SEC62: variants seen among roughly 807,000 people sequenced by gnomAD.
The protein encoded by SEC62 is translocation protein SEC62.
SEC62 carries 10 observed loss-of-function variants against 47.5 expected under a neutral mutation model. The observed-to-expected ratio is 0.21, with a 90% confidence interval of 0.13 to 0.36. The LOEUF (loss-of-function observed/expected upper bound fraction) is 0.36. Among genes scored for constraint, SEC62 ranks in the 10% least tolerant of loss-of-function variants. The pLI is 1.00. For missense variants in SEC62, 327 were observed against 464.1 expected, an observed-to-expected ratio of 0.70 and a Z score of 2.71; for synonymous variants, 136 against 150.5, an observed-to-expected ratio of 0.90 and a Z score of 0.71.
chr3:169,994,905 C>T lies in SEC62; in HGVS notation c.*1842C>T, dbSNP rs2033356221. On this transcript the variant is annotated 3_prime_UTR_variant, in exon 8 of 8. Coordinates refer to ENST00000337002, the MANE Select transcript of SEC62 (RefSeq NM_003262.4). ...GCATGGCCAACAGGAAGGTCAGCTT[C>T]TTACTGATGTGTGTGGATTCTTACA... The T allele has an allele frequency of 6.6e-6, 1 of 152,128 alleles. No individual in the cohort carries two copies. Among genetic ancestry groups the T allele is most frequent in the African/African-American group, 2.4e-5 (1 of 41,424 alleles). The allele number at this position is 152,128 out of a possible 1,614,324, so 9.4% of individuals were successfully genotyped here.
chr3:169,983,123 C>A lies in SEC62; in HGVS notation c.457-38C>A, dbSNP rs764849879. 9 of 1,526,694 alleles carry A rather than the reference C, an allele frequency of 5.9e-6. No individual in the cohort carries two copies. In the East Asian group the frequency reaches 2.0e-4, roughly 35 times the overall value. The allele number at this position is 1,526,694 out of a possible 1,614,324, so 94.6% of individuals were successfully genotyped here. ...GTATGAACATCATATTTCTTGCTTACTTGTGTTATTTCTTCTGTCCAACTT... is the reference window on the plus strand; with the variant it reads ...GTATGAACATCATATTTCTTGCTTAATTGTGTTATTTCTTCTGTCCAACTT... On this transcript the variant is annotated intron_variant, in intron 4 of 7. Transcript: ENST00000337002.
chr3:169,985,778 A>T, intron 5 of SEC62, 27 bp from the exon 6 acceptor site: 1 of 1,590,540 alleles, frequency 6.3e-7, no homozygotes, highest in Non-Finnish European at 8.6e-7. Context: ...AGAACTTTTA[A>T]GCACCGAGGT....
At position 169,997,861 on chromosome 3, in the gene SEC62, T is replaced by G. The variant is rs189343597; in HGVS notation, c.*4798T>G. On this transcript the variant is annotated 3_prime_UTR_variant, in exon 8 of 8. Transcript: ENST00000337002. ...GTAAGCTACCAAATAATTTATGATG[T>G]GGTAGTTATAGGTGTGCATTTAATA... 1 of 152,224 alleles carries G rather than the reference T, an allele frequency of 6.6e-6. No homozygotes were observed. The highest frequency in any genetic ancestry group is 1.5e-5 in the Non-Finnish European group (1 of 68,012). 9.4% of individuals were successfully genotyped at this position (152,224 alleles called of 1,614,324 possible).
chr3:169,989,853 T>G (rs1715196991), intron 7 of SEC62, among the ~76,000 whole-genome samples: 1 of 151,410 alleles, frequency 6.6e-6, no homozygotes, highest in Non-Finnish European at 1.5e-5. Context: ...ATTTTGATTC[T>G]CTTAGAAAAT....
In SEC62 at chr3:169,988,271, C is replaced by G. The variant is rs752638611; in HGVS notation, c.642C>G (p.Pro214=). The change falls in exon 7 of 8, where the codon CCC becomes CCG. Residue 214 remains proline, a synonymous_variant. Transcript: ENST00000337002. Reference sequence around the variant, plus strand: ...CAGTAATAGCGGCCACCCTCTTCCCCCTTTGGCCAGCAGAAATGAGAGTAG... The same window carrying G: ...CAGTAATAGCGGCCACCCTCTTCCCGCTTTGGCCAGCAGAAATGAGAGTAG... ...VIAVIAATLF[P]LWPAEMRVGV... The G allele has an allele frequency of 6.2e-7, 1 of 1,613,768 alleles. No homozygotes were observed. Among genetic ancestry groups the G allele is most frequent in the African/African-American group, 1.3e-5 (1 of 74,902 alleles).
Position 169,975,698 on chromosome 3 carries a change from C to G in SEC62, c.127C>G (p.Arg43Gly), listed in dbSNP as rs758054837. ...AAAGTCCACCAATATGATGGGTCAC[C>G]GGGTTGATTATTTTATTGGTAGGAT... ...PTKSTNMMGH[R>G]VDYFIASKAV... Residue 43 changes from arginine (R) to glycine (G), a missense_variant, in exon 2 of 8, where the codon CGG (arginine) becomes GGG (glycine). Transcript: ENST00000337002. 2 of 1,608,402 alleles carry G rather than the reference C, an allele frequency of 1.2e-6. No homozygotes were observed. The highest frequency in any genetic ancestry group is 1.7e-6 in the Non-Finnish European group (2 of 1,175,102).
At chr3:169,990,003 A>C (rs937876492) in intron 7 of SEC62, among the ~76,000 whole-genome samples, 2 of 90,628 alleles carry the variant, frequency 2.2e-5, no homozygotes, top group African/African-American at 9.1e-5. Context: ...GATATATGAT[A>C]TATCATAATA....
At chr3:169,971,239 AT>A (rs1051411712) in intron 1 of SEC62, among the ~76,000 whole-genome samples, 1 of 151,546 alleles carries the variant, frequency 6.6e-6, no homozygotes, top group Admixed American at 6.6e-5. Flanking sequence ...CACCTAGCTA[AT>A]TTTTTTTAAT....
Position 169,983,220 on chromosome 3 carries a change from A to G in SEC62, c.516A>G (p.Pro172=). The change falls in exon 5 of 8, where the codon CCA becomes CCG. Residue 172 remains proline (P), a synonymous_variant. Coordinates refer to ENST00000337002, the MANE Select transcript of SEC62 (RefSeq NM_003262.4). The part of the protein sequence containing the change: ...KETKKKFKLE[P]HDDQVFLDGN... ...CTAAGAAAAAATTCAAACTTGAGCC[A>G]CATGATGATCAGGTTTTTCTGGATG... 6.2e-7 allele frequency: 1 copy of G among 1,612,846 alleles called. No individual in the cohort carries two copies.
chr3:169,967,061 G>A (rs1242023288), intron 1 of SEC62, among the ~76,000 whole-genome samples: 3 of 152,218 alleles, frequency 2.0e-5, no homozygotes, highest in Non-Finnish European at 2.9e-5. Context: ...AGACAGAGAC[G>A]GAGGTGGTGG....
intron 1 of SEC62, among the ~76,000 whole-genome samples, chr3:169,973,966 A>G (rs1714768151): frequency 6.6e-6 from 1 of 152,244 alleles, no homozygotes; most frequent in Non-Finnish European, 1.5e-5. Context: ...TTCATCTAAC[A>G]AATTATTCCT....
chr3:169,977,692 CTTTCCA>C (rs918434593), intron 3 of SEC62, among the ~76,000 whole-genome samples: 1 of 151,998 alleles, frequency 6.6e-6, no homozygotes, highest in African/African-American at 2.4e-5. Context: ...GCTGGTTTTT[CTTTCCA>C]TTTCTTTTCT....
intron 3 of SEC62, among the ~76,000 whole-genome samples, chr3:169,979,434 T>G (rs1714919797): frequency 6.6e-6 from 1 of 152,258 alleles, no homozygotes. Flanking sequence ...TTTTCTAATG[T>G]GATCTATACC....
intron 6 of SEC62, among the ~76,000 whole-genome samples, chr3:169,987,581 G>A (rs147916207): frequency 0.01 from 1,571 of 152,242 alleles, 31 homozygotes; most frequent in African/African-American, 0.036. Context: ...TAAGTAACTT[G>A]CCCAGGGTTA....
At chr3:169,988,820 C>T (rs577683419) in intron 7 of SEC62, among the ~76,000 whole-genome samples, 72 of 152,010 alleles carry the variant, frequency 4.7e-4, no homozygotes, top group African/African-American at 1.7e-3. Context: ...ATGGCAGAGG[C>T]GTTTAATATT....
Position 169,981,042 on chromosome 3 carries a change from T to A in SEC62, c.252-1665T>A, listed in dbSNP as rs1714961006. Among the ~76,000 whole-genome samples, 3 of 152,338 alleles carry A rather than the reference T, an allele frequency of 2.0e-5. No individual in the cohort carries two copies. The South Asian group carries it at 6.2e-4, about 32-fold the overall frequency. On this transcript the variant is annotated intron_variant, in intron 3 of 7. Transcript: ENST00000337002. ...GTAAAAAATGTAAGACTACACTTCA[T>A]ATTCAAATATGCCACTACTATTCTT... is the stretch of plus-strand genomic sequence containing the variant.
chr3:169,988,025 A>T (rs546006810), intron 6 of SEC62, among the ~76,000 whole-genome samples: 1 of 152,236 alleles, frequency 6.6e-6, no homozygotes, highest in Non-Finnish European at 1.5e-5. Flanking sequence ...TGTAATTTAC[A>T]CTAATAAAAA....
intron 5 of SEC62, 156 bp from the exon 6 acceptor site, chr3:169,985,649 G>A: frequency 4.0e-6 from 2 of 504,218 alleles, no homozygotes; most frequent in Non-Finnish European, 3.4e-6. Flanking sequence ...CACTACTACT[G>A]AAGGAAAGAT....
intron 3 of SEC62, among the ~76,000 whole-genome samples, chr3:169,979,691 C>T (rs1192891180): frequency 6.6e-6 from 1 of 152,198 alleles, no homozygotes; most frequent in Non-Finnish European, 1.5e-5. Flanking sequence ...CGAATGTACT[C>T]TTCCCCAGGC....
Sources: gnomAD v4.1 joint callset for allele counts (sites outside exome capture counted in the v4.1 genomes callset) on GRCh38, gnomAD v4.1.1 for gene constraint, MANE v1.5 for transcripts, NCBI Gene and HGNC (gene_info 2026-07-23, HGNC 2026-07-21) for gene names.